UGT1A6: variants seen among roughly 807,000 people sequenced by gnomAD.
The protein encoded by UGT1A6 is UDP-glucuronosyltransferase 1A6.
A neutral mutation model predicts 44.4 loss-of-function variants in UGT1A6; 32 were observed. That is an observed-to-expected ratio of 0.72 (90% CI 0.54 to 0.97). The LOEUF is 0.97. UGT1A6 is among the 50% of genes least tolerant of loss of function. The pLI is 0.00. For missense variants in UGT1A6, 685 were observed against 661.9 expected (o/e 1.03, Z -0.38); for synonymous variants, 238 against 248.5 (o/e 0.96, Z 0.40).
At chr2:233,754,202 GAAGTCA>G (rs1362706108) in intron 1 of UGT1A6, 1 of 162,518 alleles carries the variant, frequency 6.2e-6, no homozygotes, top group East Asian at 1.7e-4. Context: ...GTAAAACATT[GAAGTCA>G]AATGATTTAG....
At chr2:233,700,536 A>T (rs2075571334) in intron 1 of UGT1A6, among the ~76,000 whole-genome samples, 1 of 152,216 alleles carries the variant, frequency 6.6e-6, no homozygotes, top group South Asian at 2.1e-4. Context: ...ACTCTAGGAG[A>T]ATGAGAATAA....
chr2:233,768,916 T>A (rs1454588101), intron 4 of UGT1A6, among the ~76,000 whole-genome samples: 1 of 152,138 alleles, frequency 6.6e-6, no homozygotes, highest in African/African-American at 2.4e-5. Context: ...TAGAGGTTAT[T>A]ATTCACTTTA....
rs1308023181 is a variant in UGT1A6, at chr2:233,747,199, G to A, written c.862-19835G>A. 45 of 1,604,092 alleles carry A rather than the reference G, an allele frequency of 2.8e-5. 2 individuals carry two copies. The highest frequency in any genetic ancestry group is 8.8e-5 in the South Asian group (8 of 90,422). On this transcript the variant is annotated intron_variant, in intron 1 of 4. Coordinates refer to ENST00000305139, the MANE Select transcript of UGT1A6 (RefSeq NM_001072.4). Reference sequence around the variant, plus strand: ...GCGTGGGGTGGACAGTCAGCTGTCCGTGTCTTCTGCTGAGATGGCCACAGG... The same window carrying A: ...GCGTGGGGTGGACAGTCAGCTGTCCATGTCTTCTGCTGAGATGGCCACAGG...
chr2:233,693,797 A>C lies in UGT1A6; in HGVS notation c.793A>C (p.Arg265=). The change falls in exon 1 of 5, where the codon AGG becomes CGG. Residue 265 remains arginine, a synonymous_variant. Transcript: ENST00000305139. ...LRYDFVLEYP[R]PVMPNMVFIG... ...ATATGACTTTGTGCTTGAATATCCT[A>C]GGCCGGTCATGCCCAACATGGTCTT... The C allele has an allele frequency of 1.2e-6, 2 of 1,614,202 alleles. No individual in the cohort carries two copies. The highest frequency in any genetic ancestry group is 1.7e-6 in the Non-Finnish European group (2 of 1,180,026).
chr2:233,769,914 G>A lies in UGT1A6; in HGVS notation c.1301+1475G>A, dbSNP rs530436161. ...AACCTGAGCATCATGTGCCCAGAGCGTTGGGTGGTGTGGTCCCATTCCTTC... is the reference window on the plus strand; with the variant it reads ...AACCTGAGCATCATGTGCCCAGAGCATTGGGTGGTGTGGTCCCATTCCTTC... On this transcript the variant is annotated intron_variant, in intron 4 of 4. Coordinates refer to ENST00000305139, the MANE Select transcript of UGT1A6 (RefSeq NM_001072.4). The surrounding 1 kb of genome is among the most constrained non-coding windows in gnomAD (Gnocchi z 4.4). The A allele has an allele frequency of 6.5e-5, 19 of 292,140 alleles. No homozygotes were observed. The highest frequency in any genetic ancestry group is 1.0e-3 in the Middle Eastern group (1 of 988). 18.1% of individuals were successfully genotyped at this position (292,140 alleles called of 1,614,324 possible).
intron 1 of UGT1A6, among the ~76,000 whole-genome samples, chr2:233,712,016 C>T (rs527478948): frequency 2.0e-5 from 3 of 152,332 alleles, no homozygotes; most frequent in Admixed American, 1.3e-4. Context: ...CCATTCTTAT[C>T]AGAACTTGGT....
At chr2:233,700,879 C>A (rs1034154232) in intron 1 of UGT1A6, among the ~76,000 whole-genome samples, 1 of 152,082 alleles carries the variant, frequency 6.6e-6, no homozygotes, top group African/African-American at 2.4e-5. Context: ...CTCCTCCCCC[C>A]ACCCCACAAC....
At chr2:233,757,996 G>A (rs1283053309) in intron 1 of UGT1A6, among the ~76,000 whole-genome samples, 1 of 152,032 alleles carries the variant, frequency 6.6e-6, no homozygotes, top group East Asian at 1.9e-4. Flanking sequence ...CCCTGTAATT[G>A]CCTGGTCATG....
chr2:233,695,902 G>T (rs184289698), intron 1 of UGT1A6, among the ~76,000 whole-genome samples: 229 of 151,998 alleles, frequency 1.5e-3, no homozygotes, highest in African/African-American at 4.9e-3. Context: ...AATGTGTGGG[G>T]TTTTTTTTCT....
intron 4 of UGT1A6, chr2:233,771,032 G>A (rs560864303): frequency 1.4e-4 from 22 of 152,232 alleles, no homozygotes; most frequent in African/African-American, 4.8e-4. Flanking sequence ...AGTTGGGGGG[G>A]AAGGTGCCAC....
chr2:233,724,149 C>T (rs1483469829), intron 1 of UGT1A6, among the ~76,000 whole-genome samples: 2 of 117,102 alleles, frequency 1.7e-5, no homozygotes, highest in Non-Finnish European at 3.4e-5. Context: ...GGCGGCTGGC[C>T]GGGTGGGGGG....
At chr2:233,696,562 G>A (rs577212454) in intron 1 of UGT1A6, among the ~76,000 whole-genome samples, 1 of 152,212 alleles carries the variant, frequency 6.6e-6, no homozygotes, top group Admixed American at 6.5e-5. Flanking sequence ...TATGTCATCT[G>A]AGAACAAGAA....
intron 1 of UGT1A6, among the ~76,000 whole-genome samples, chr2:233,763,590 A>G (rs772976697): frequency 6.6e-6 from 1 of 152,156 alleles, no homozygotes; most frequent in Non-Finnish European, 1.5e-5. Flanking sequence ...TTCCTTTGTT[A>G]ACTAAAAATG....
chr2:233,755,461 C>T, intron 1 of UGT1A6: 1 of 282,900 alleles, frequency 3.5e-6, no homozygotes, highest in Non-Finnish European at 6.9e-6. Context: ...ACTGGCCCTG[C>T]TCTCTGTGAG....
At chr2:233,702,266 A>G (rs17862866) in intron 1 of UGT1A6, among the ~76,000 whole-genome samples, 87,251 of 152,024 alleles carry the variant, frequency 0.57, 27,041 homozygotes, top group African/African-American at 0.82. Flanking sequence ...AAATACATGA[A>G]TAGCTTTTTC....
rs1004676304 is a variant in UGT1A6, at chr2:233,769,752, G to A, written c.1301+1313G>A. On this transcript the variant is annotated intron_variant, in intron 4 of 4. Transcript: ENST00000305139. This position sits in a 1 kb window ranked among gnomAD's most constrained non-coding sequence, Gnocchi z 4.4. ...CGCCTGTAGTCCCAGCCACTCTGGA[G>A]GCTAAGGCGGGAGGATTGCTTGAGC... is the stretch of plus-strand genomic sequence containing the variant. The A allele has an allele frequency of 7.0e-6, 10 of 1,432,670 alleles. No homozygotes were observed. In the African/African-American group the frequency reaches 1.3e-4, roughly 18 times the overall value. 88.7% of individuals were successfully genotyped at this position (1,432,670 alleles called of 1,614,324 possible). A position where few individuals can be genotyped will look rare whatever the true frequency, so the allele number is the denominator to read the frequency against.
At chr2:233,754,790 T>C (rs1308374413) in intron 1 of UGT1A6, 13 of 1,196,884 alleles carry the variant, frequency 1.1e-5, no homozygotes, top group Non-Finnish European at 1.4e-5. Context: ...AGGAACGAAA[T>C]CCTGTATCAA....
At chr2:233,733,672 G>A (rs1353617171) in intron 1 of UGT1A6, among the ~76,000 whole-genome samples, 2 of 152,204 alleles carry the variant, frequency 1.3e-5, no homozygotes, top group African/African-American at 4.8e-5. Flanking sequence ...GATCGATGTG[G>A]ATAAACTTTT....
chr2:233,721,721 C>T (rs2076966179), intron 1 of UGT1A6: 1 of 393,114 alleles, frequency 2.5e-6, no homozygotes. Flanking sequence ...GCTTTGTTTA[C>T]TTGGATAAGC....
Sources: gnomAD v4.1 joint callset for allele counts (sites outside exome capture counted in the v4.1 genomes callset) on GRCh38, gnomAD v4.1.1 for gene constraint, Gnocchi (gnomAD v3.1) non-coding constraint, MANE v1.5 for transcripts, NCBI Gene and HGNC (gene_info 2026-07-23, HGNC 2026-07-21) for gene names.